ACTR6: variants seen among roughly 807,000 people sequenced by gnomAD.
ACTR6 encodes the protein actin-related protein 6.
ACTR6 carries 50 observed loss-of-function variants against 52.5 expected under a neutral mutation model. The observed-to-expected ratio is 0.95, with a 90% confidence interval of 0.76 to 1.20. ACTR6 has a LOEUF of 1.20. Ranked by LOEUF, ACTR6 falls within the 50% of genes most tolerant of loss-of-function variation. The pLI is 0.00. For missense variants in ACTR6, 344 were observed against 472.4 expected, an observed-to-expected ratio of 0.73 and a Z score of 2.52; for synonymous variants, 135 against 147.2, an observed-to-expected ratio of 0.92 and a Z score of 0.60.
At chr12:100,214,102 T>C (rs942590372) in intron 8 of ACTR6, among the ~76,000 whole-genome samples, 2 of 152,336 alleles carry the variant, frequency 1.3e-5, no homozygotes, top group Non-Finnish European at 2.9e-5. Context: ...AAGCACATTT[T>C]AGAAAGCTAT....
intron 3 of ACTR6, among the ~76,000 whole-genome samples, chr12:100,206,633 T>C (rs957276783): frequency 5.9e-5 from 9 of 151,896 alleles, no homozygotes; most frequent in African/African-American, 2.2e-4. Flanking sequence ...CAGCCCCATC[T>C]TCTCTTGTTT....
In ACTR6 at chr12:100,216,131, A is replaced by C. The variant is rs1200672687; in HGVS notation, c.751-2284A>C. 3.3e-5 allele frequency among the ~76,000 whole-genome samples: 5 copies of C among 152,210 alleles called. No individual in the cohort carries two copies. In the East Asian group the frequency reaches 7.7e-4, roughly 23 times the overall value. ...TGCAGAGCCAGTATAACATACACTG[A>C]TCATTTCTTTAATTGTACTGGAACT... On this transcript the variant is annotated intron_variant, in intron 8 of 10. Transcript: ENST00000188312.
Position 100,211,846 on chromosome 12 carries a change from C to T in ACTR6, c.573-410C>T, listed in dbSNP as rs529175663. ...TAAGCCAATGTTTAAGCTTCACCCT[C>T]AGTCAAACATTTATTGAACAGCTTG... On this transcript the variant is annotated intron_variant, in intron 6 of 10. Transcript: ENST00000188312. Among the ~76,000 whole-genome samples, 58 of 152,264 alleles carry T rather than the reference C, an allele frequency of 3.8e-4. 1 individual carries two copies. Among genetic ancestry groups the T allele is most frequent in the African/African-American group, 1.3e-3 (52 of 41,556 alleles).
Position 100,205,023 on chromosome 12 carries a change from C to T in ACTR6, c.152C>T (p.Pro51Leu). ...TANQIDEIKD[P>L]SGLFYILPFQ... ...AACCAGATAGATGAAATAAAAGACC[C>T]TTCTGGACTCTTTTACATCCTCCCT... The change falls in exon 2 of 11, where the codon CCT becomes CTT. Residue 51 changes from proline (P) to leucine (L), a missense_variant. Pro to Leu is a moderately conservative substitution (Grantham distance 98). Coordinates refer to ENST00000188312, the MANE Select transcript of ACTR6 (RefSeq NM_022496.5). 2 of 1,607,532 alleles carry T rather than the reference C, an allele frequency of 1.2e-6. No homozygotes were observed. The highest frequency in any genetic ancestry group is 1.7e-6 in the Non-Finnish European group (2 of 1,175,218).
At chr12:100,221,347 T>C (rs1380188123) in intron 10 of ACTR6, among the ~76,000 whole-genome samples, 1 of 152,150 alleles carries the variant, frequency 6.6e-6, no homozygotes, top group African/African-American at 2.4e-5. Context: ...AAGGCCCTCA[T>C]TGGTATCACT....
In ACTR6 at chr12:100,216,368, T is replaced by C. The variant is rs186889966; in HGVS notation, c.751-2047T>C. 3.5e-3 allele frequency among the ~76,000 whole-genome samples: 530 copies of C among 152,336 alleles called. 2 individuals carry two copies. The highest frequency in any genetic ancestry group is 0.012 in the African/African-American group (493 of 41,584). On this transcript the variant is annotated intron_variant, in intron 8 of 10. Coordinates refer to ENST00000188312, the MANE Select transcript of ACTR6 (RefSeq NM_022496.5). ...AGAGACGAGGTACCACGCTCATCTATGTTGCCCAGGCTAGCCTCAACTCCT... is the reference window on the plus strand; with the variant it reads ...AGAGACGAGGTACCACGCTCATCTACGTTGCCCAGGCTAGCCTCAACTCCT...
At position 100,224,344 on chromosome 12, in the gene ACTR6, A is replaced by G. The variant is rs2096130574; in HGVS notation, c.*429A>G. 6.4e-6 allele frequency: 1 copy of G among 155,848 alleles called. No homozygotes were observed. The highest frequency in any genetic ancestry group is 2.4e-5 in the African/African-American group (1 of 41,468). The allele number at this position is 155,848 out of a possible 1,614,324, so 9.7% of individuals were successfully genotyped here. On this transcript the variant is annotated 3_prime_UTR_variant, in exon 11 of 11. Coordinates refer to ENST00000188312, the MANE Select transcript of ACTR6 (RefSeq NM_022496.5). ...TTCTAAAGTTGGAAAGACTGATCTT[A>G]TATGTGTATAATGTTTATTTTGTAC...
At chr12:100,221,209 A>G (rs190956819) in intron 10 of ACTR6, among the ~76,000 whole-genome samples, 48 of 152,312 alleles carry the variant, frequency 3.2e-4, no homozygotes, top group African/African-American at 1.1e-3. Context: ...TACCCAAAGT[A>G]TATGTCTAAA....
At chr12:100,209,873 T>C (rs969372793) in intron 4 of ACTR6, among the ~76,000 whole-genome samples, 200 bp from the exon 5 acceptor site, 2 of 152,226 alleles carry the variant, frequency 1.3e-5, no homozygotes, top group Admixed American at 6.5e-5. Context: ...ATTTTTATTA[T>C]GTTTACCATG....
intron 1 of ACTR6, among the ~76,000 whole-genome samples, chr12:100,203,088 T>C (rs2096111224): frequency 6.6e-6 from 1 of 152,110 alleles, no homozygotes; most frequent in African/African-American, 2.4e-5. Flanking sequence ...CCTGCTCCTA[T>C]GAGAATCTAA....
At chr12:100,205,347 T>C in intron 2 of ACTR6, 1 of 292,654 alleles carries the variant, frequency 3.4e-6, no homozygotes, top group Non-Finnish European at 6.1e-6. Context: ...TCTGACATTT[T>C]AGTTATTGCT....
At chr12:100,213,397 AGAGTTG>A (rs1362415795) in intron 8 of ACTR6, among the ~76,000 whole-genome samples, 1 of 152,042 alleles carries the variant, frequency 6.6e-6, no homozygotes, top group African/African-American at 2.4e-5. Context: ...TGGGCCTTCG[AGAGTTG>A]TTGATTACTA....
At chr12:100,201,321 C>T (rs989482538) in intron 1 of ACTR6, among the ~76,000 whole-genome samples, 2 of 152,168 alleles carry the variant, frequency 1.3e-5, no homozygotes, top group African/African-American at 4.8e-5. Flanking sequence ...CTATGACCCT[C>T]CAAAAGTCTA....
In ACTR6 at chr12:100,222,690, C is replaced by T. The variant is rs149755311; in HGVS notation, c.1062-1096C>T. 5.8e-3 allele frequency among the ~76,000 whole-genome samples: 876 copies of T among 152,286 alleles called. 2 individuals are homozygous for T. Among genetic ancestry groups the T allele is most frequent in the Non-Finnish European group, 0.01 (700 of 68,016 alleles). ...AGCTAGGACTACAGGTATATGCCAT[C>T]ATACTTGGCTAGAAAATATTGATTT... On this transcript the variant is annotated intron_variant, in intron 10 of 10. Coordinates refer to ENST00000188312, the MANE Select transcript of ACTR6 (RefSeq NM_022496.5).
chr12:100,205,366 A>C, intron 2 of ACTR6: 1 of 286,104 alleles, frequency 3.5e-6, no homozygotes, highest in Non-Finnish European at 6.3e-6. Context: ...CTTATTTGTG[A>C]GTTTGTTTTT....
chr12:100,206,337 G>C (rs1271647716), intron 3 of ACTR6: 1 of 152,130 alleles, frequency 6.6e-6, no homozygotes, highest in Non-Finnish European at 1.5e-5. Context: ...AATTAGTCAG[G>C]CATGTTGGCA....
chr12:100,215,192 C>T (rs555103262), intron 8 of ACTR6, among the ~76,000 whole-genome samples: 5 of 152,226 alleles, frequency 3.3e-5, no homozygotes, highest in Non-Finnish European at 7.3e-5. Flanking sequence ...CTCAGTTCCT[C>T]TTCCTAGAAT....
At chr12:100,216,389 C>T (rs2096123912) in intron 8 of ACTR6, among the ~76,000 whole-genome samples, 2 of 152,248 alleles carry the variant, frequency 1.3e-5, no homozygotes, top group Non-Finnish European at 1.5e-5. Context: ...CTAGCCTCAA[C>T]TCCTGGGCCC....
chr12:100,223,982 A>G lies in ACTR6; in HGVS notation c.*67A>G. The G allele has an allele frequency of 1.3e-6, 2 of 1,525,866 alleles. No homozygotes were observed. Among genetic ancestry groups the G allele is most frequent in the South Asian group, 1.2e-5 (1 of 80,638 alleles). 94.5% of individuals were successfully genotyped at this position (1,525,866 alleles called of 1,614,324 possible). On this transcript the variant is annotated 3_prime_UTR_variant, in exon 11 of 11. Coordinates refer to ENST00000188312, the MANE Select transcript of ACTR6 (RefSeq NM_022496.5). The stretch of plus-strand genomic sequence containing the variant: ...TCAAAGTTCCTTTTAAAAGAGGTTA[A>G]GGAACTGTGTTACCTTTTGTCCTAA...
Sources: gnomAD v4.1 joint callset for allele counts (sites outside exome capture counted in the v4.1 genomes callset) on GRCh38, gnomAD v4.1.1 for gene constraint, MANE v1.5 for transcripts, NCBI Gene and HGNC (gene_info 2026-07-23, HGNC 2026-07-21) for gene names.